PIGK: variants seen among roughly 807,000 people sequenced by gnomAD.
PIGK encodes the protein phosphatidylinositol glycan anchor biosynthesis class K.
Under a neutral mutation model 50.6 loss-of-function variants are expected in PIGK, and 42 were observed. The ratio of observed to expected loss-of-function variants is 0.83; its 90% CI spans 0.65 to 1.07. PIGK has a LOEUF of 1.07. PIGK is among the 50% of genes least tolerant of loss of function. PIGK has a pLI of 0.00. For missense variants in PIGK, 448 were observed against 488.7 expected (o/e 0.92, Z 0.78); for synonymous variants, 151 against 156.0 (o/e 0.97, Z 0.24).
At chr1:77,156,211 T>C (rs1401975262) in intron 8 of PIGK, among the ~76,000 whole-genome samples, 1 of 152,186 alleles carries the variant, frequency 6.6e-6, no homozygotes. Context: ...TGGGTATTCC[T>C]GTATGAACAA....
intron 9 of PIGK, among the ~76,000 whole-genome samples, chr1:77,132,292 T>C (rs900279996): frequency 1.3e-5 from 2 of 151,976 alleles, no homozygotes; most frequent in Non-Finnish European, 2.9e-5. Context: ...CTATTTTCTA[T>C]CTCCCATCTG....
chr1:77,115,893 TTA>T (rs1210916737), intron 10 of PIGK, among the ~76,000 whole-genome samples: 8 of 152,186 alleles, frequency 5.3e-5, no homozygotes, highest in African/African-American at 1.9e-4. Flanking sequence ...TTGCAACGTA[TTA>T]ATCTTATCAA....
intron 10 of PIGK, among the ~76,000 whole-genome samples, chr1:77,112,083 T>G (rs766463428): frequency 1.3e-5 from 2 of 152,060 alleles, no homozygotes; most frequent in Non-Finnish European, 2.9e-5. Context: ...ATAACTGACA[T>G]AATACACAAG....
intron 9 of PIGK, among the ~76,000 whole-genome samples, chr1:77,146,088 C>A (rs569174872): frequency 6.6e-6 from 1 of 152,022 alleles, no homozygotes; most frequent in Admixed American, 6.6e-5. Flanking sequence ...AAGTTGGAGA[C>A]CATCTGTAAT....
rs562031742 is a variant in PIGK, at chr1:77,178,252, C to T, written c.240-8857G>A. ...TCAGAAACAGACCATTGGTTCATTC[C>T]TCTTAACCCACATCACAGGTTAAAG... On this transcript the variant is annotated intron_variant, in intron 3 of 10. Coordinates refer to ENST00000370812, the MANE Select transcript of PIGK (RefSeq NM_005482.3). Among the ~76,000 whole-genome samples the T allele has an allele frequency of 5.3e-5, 8 of 152,304 alleles. No individual in the cohort carries two copies. The East Asian group carries it at 9.6e-4, about 18-fold the overall frequency.
chr1:77,210,422 T>C lies in PIGK; in HGVS notation c.147+14A>G. ...TAATGTGAACAGCAAGGTATACTTT[T>C]ACAGTATACTTACCAGAACAGCCCA... On this transcript the variant is annotated intron_variant, in intron 2 of 10. Transcript: ENST00000370812. 6.6e-7 allele frequency: 1 copy of C among 1,521,054 alleles called. No homozygotes were observed. Among genetic ancestry groups the C allele is most frequent in the Non-Finnish European group, 9.0e-7 (1 of 1,109,390 alleles). The allele number at this position is 1,521,054 out of a possible 1,614,324, so 94.2% of individuals were successfully genotyped here. A position where few individuals can be genotyped will look rare whatever the true frequency, so the allele number is the denominator to read the frequency against.
rs1653313291 is a variant in PIGK, at chr1:77,092,062, A to G, written c.*312T>C. ...TTAGTGAGAATTTAATGTCTTCACA[A>G]TTGTTTCTTTTCCAAATGAAAAGGG... On this transcript the variant is annotated 3_prime_UTR_variant, in exon 11 of 11. Coordinates refer to ENST00000370812, the MANE Select transcript of PIGK (RefSeq NM_005482.3). The G allele has an allele frequency of 6.1e-6, 1 of 164,442 alleles. No individual in the cohort carries two copies. The highest frequency in any genetic ancestry group is 1.3e-5 in the Non-Finnish European group (1 of 76,804). 10.2% of individuals were successfully genotyped at this position (164,442 alleles called of 1,614,324 possible).
intron 3 of PIGK, among the ~76,000 whole-genome samples, chr1:77,185,512 G>C (rs1253952282): frequency 6.6e-6 from 1 of 152,138 alleles, no homozygotes; most frequent in Non-Finnish European, 1.5e-5. Context: ...TAAGGTGAAG[G>C]ATAAGTTGCT....
At chr1:77,166,596 T>G in intron 5 of PIGK, 123 bp downstream of exon 5, 1 of 566,078 alleles carries the variant, frequency 1.8e-6, no homozygotes, top group Non-Finnish European at 3.1e-6. Flanking sequence ...ATGGAAAATA[T>G]AACTACATGA....
At chr1:77,164,368 G>A (rs1146675) in intron 5 of PIGK, among the ~76,000 whole-genome samples, 91,113 of 152,046 alleles carry the variant, frequency 0.6, 29,815 homozygotes, top group Non-Finnish European at 0.74. Context: ...CTAGAGGCAG[G>A]TTGCCTGGAT....
intron 8 of PIGK, among the ~76,000 whole-genome samples, chr1:77,155,610 T>TC (rs397758529): frequency 9.9e-5 from 15 of 152,092 alleles, no homozygotes; most frequent in African/African-American, 2.7e-4. Context: ...TTTTTTTTTT[T>TC]CTTGAAGGAA....
chr1:77,129,876 CTG>C (rs1324157140), intron 9 of PIGK, among the ~76,000 whole-genome samples: 4 of 151,922 alleles, frequency 2.6e-5, no homozygotes, highest in Non-Finnish European at 5.9e-5. Flanking sequence ...TCCAAAATGA[CTG>C]TATCAATTTA....
chr1:77,160,789 A>G (rs1198148508), intron 8 of PIGK, among the ~76,000 whole-genome samples: 15 of 152,368 alleles, frequency 9.8e-5, no homozygotes. Flanking sequence ...TTGTCAAATG[A>G]CTATACTATA....
At chr1:77,134,890 T>C (rs1654462745) in intron 9 of PIGK, among the ~76,000 whole-genome samples, 1 of 152,170 alleles carries the variant, frequency 6.6e-6, no homozygotes, top group South Asian at 2.1e-4. Flanking sequence ...TTCTAAGAAT[T>C]ATTCAAAGAG....
intron 8 of PIGK, among the ~76,000 whole-genome samples, chr1:77,161,073 T>A (rs1405843998): frequency 2.0e-5 from 3 of 152,092 alleles, no homozygotes; most frequent in Non-Finnish European, 4.4e-5. Flanking sequence ...AGTACATTTC[T>A]GGTAAGGAAA....
intron 9 of PIGK, chr1:77,153,524 T>G (rs1223351550): frequency 6.6e-6 from 1 of 152,130 alleles, no homozygotes; most frequent in Admixed American, 6.6e-5. Flanking sequence ...AAGACAAATG[T>G]CTGAGGTGAT....
chr1:77,159,580 A>G (rs1655088287), intron 8 of PIGK, among the ~76,000 whole-genome samples: 1 of 152,224 alleles, frequency 6.6e-6, no homozygotes. Context: ...CAAAGCCACA[A>G]GGGCAAAGCT....
intron 10 of PIGK, among the ~76,000 whole-genome samples, chr1:77,094,843 T>C (rs1293280064): frequency 2.0e-5 from 3 of 152,182 alleles, no homozygotes; most frequent in East Asian, 3.8e-4. Context: ...TTGACAGGTA[T>C]GTGTTTCACA....
intron 3 of PIGK, among the ~76,000 whole-genome samples, chr1:77,188,567 C>A (rs990983396): frequency 6.6e-6 from 1 of 151,398 alleles, no homozygotes; most frequent in South Asian, 2.1e-4. Context: ...CCTGTGATCT[C>A]GCCCTGCCTC....
Sources: allele counts gnomAD v4.1 joint callset (sites outside exome capture counted in the v4.1 genomes callset), GRCh38; gene constraint gnomAD v4.1.1; transcripts MANE v1.5; gene names NCBI Gene and HGNC (gene_info 2026-07-23, HGNC 2026-07-21).